The following ADARB2 variants were observed in gnomAD, a reference collection of about 807,000 sequenced individuals.
The protein encoded by ADARB2 is inactive double-stranded RNA-specific editase B2.
In ADARB2, 25 loss-of-function variants were observed where a neutral mutation model predicts 62.2. That is an observed-to-expected ratio of 0.40 (90% CI 0.29 to 0.56). The LOEUF (loss-of-function observed/expected upper bound fraction) is 0.56, where lower values mean the gene tolerates loss of function less well. Among genes scored for constraint, ADARB2 ranks in the 20% least tolerant of loss-of-function variants. ADARB2 has a pLI of 0.43. For synonymous variants in ADARB2, 572 were observed against 500.8 expected, an observed-to-expected ratio of 1.14 and a Z score of -1.90; for missense variants, 1,071 against 1,077.4, an observed-to-expected ratio of 0.99 and a Z score of 0.08.
intron 3 of ADARB2, among the ~76,000 whole-genome samples, chr10:1,297,837 C>T (rs10903416): frequency 0.42 from 64,178 of 152,116 alleles, 15,664 homozygotes; most frequent in East Asian, 0.69. Flanking sequence ...GGGATGCAGC[C>T]GCAGCCCGGG....
intron 1 of ADARB2, among the ~76,000 whole-genome samples, chr10:1,667,054 C>G (rs1834325466): frequency 6.6e-6 from 1 of 152,124 alleles, no homozygotes. Context: ...CGGCAGTTGA[C>G]TTAAGGAAAT....
intron 8 of ADARB2, among the ~76,000 whole-genome samples, chr10:1,195,013 A>C (rs1263119339): frequency 6.6e-6 from 1 of 152,170 alleles, no homozygotes; most frequent in Non-Finnish European, 1.5e-5. Flanking sequence ...AGGAGTGGAG[A>C]CCATTTCAAG....
chr10:1,404,190 C>A (rs562290387), intron 1 of ADARB2, among the ~76,000 whole-genome samples: 1 of 152,248 alleles, frequency 6.6e-6, no homozygotes, highest in South Asian at 2.1e-4. Flanking sequence ...TTAAAACAAG[C>A]GTTTTGGCTC....
chr10:1,380,892 G>A (rs954534392), intron 1 of ADARB2, among the ~76,000 whole-genome samples: 2 of 152,254 alleles, frequency 1.3e-5, no homozygotes, highest in African/African-American at 4.8e-5. Flanking sequence ...TCAGTCTGGA[G>A]GATCTCAAGA....
intron 1 of ADARB2, among the ~76,000 whole-genome samples, chr10:1,402,265 C>A (rs908128849): frequency 6.6e-6 from 1 of 152,192 alleles, no homozygotes; most frequent in Non-Finnish European, 1.5e-5. Context: ...CGCGTGCGCG[C>A]GCCGGTCTGG....
chr10:1,378,984 C>A, intron 2 of ADARB2, 90 bp downstream of exon 2: 4 of 1,096,486 alleles, frequency 3.6e-6, no homozygotes, highest in Non-Finnish European at 5.6e-6. Flanking sequence ...CCAGATGACC[C>A]CAGGTATCTC....
intron 3 of ADARB2, among the ~76,000 whole-genome samples, chr10:1,332,219 C>A (rs74903620): frequency 0.04 from 6,052 of 152,242 alleles, 137 homozygotes; most frequent in South Asian, 0.099. Context: ...GCCTGGACAA[C>A]ATAATGAGAC....
chr10:1,637,096 G>A (rs1008717897), intron 1 of ADARB2, among the ~76,000 whole-genome samples: 4 of 151,998 alleles, frequency 2.6e-5, no homozygotes, highest in South Asian at 2.1e-4. Flanking sequence ...AAAGGTGTCC[G>A]CAACACAACA....
At chr10:1,734,876 A>T (rs1259468824) in intron 1 of ADARB2, among the ~76,000 whole-genome samples, 1 of 152,182 alleles carries the variant, frequency 6.6e-6, no homozygotes, top group African/African-American at 2.4e-5. Context: ...CATAATTTAA[A>T]CTCACCATTG....
intron 3 of ADARB2, among the ~76,000 whole-genome samples, chr10:1,317,695 C>A (rs924578573): frequency 2.0e-5 from 3 of 150,052 alleles, no homozygotes; most frequent in African/African-American, 7.4e-5. Context: ...ACTGAGGGCT[C>A]CGTGCCCCTG....
chr10:1,668,080 C>T (rs1236569781), intron 1 of ADARB2, among the ~76,000 whole-genome samples: 1 of 152,182 alleles, frequency 6.6e-6, no homozygotes, highest in Non-Finnish European at 1.5e-5. Context: ...GTGGGCTGGA[C>T]GCTCACCCTC....
chr10:1,673,835 C>T (rs1834425672), intron 1 of ADARB2, among the ~76,000 whole-genome samples: 2 of 152,260 alleles, frequency 1.3e-5, no homozygotes, highest in African/African-American at 4.8e-5. Context: ...TGTGTGCCCA[C>T]TCAGCCACTT....
At chr10:1,480,877 G>C (rs1169930153) in intron 1 of ADARB2, among the ~76,000 whole-genome samples, 1 of 152,204 alleles carries the variant, frequency 6.6e-6, no homozygotes, top group Non-Finnish European at 1.5e-5. Context: ...ATATTATTAA[G>C]TGGATAACAC....
intron 1 of ADARB2, among the ~76,000 whole-genome samples, chr10:1,633,132 C>T (rs1833863574): frequency 6.6e-6 from 1 of 152,170 alleles, no homozygotes; most frequent in Non-Finnish European, 1.5e-5. Flanking sequence ...TGCCTCTGGA[C>T]TCAGGCTAGG....
chr10:1,324,429 T>A (rs942346749), intron 3 of ADARB2, among the ~76,000 whole-genome samples: 1 of 152,158 alleles, frequency 6.6e-6, no homozygotes, highest in Non-Finnish European at 1.5e-5. Context: ...CACAGAAAAT[T>A]TGTAGTGATG....
chr10:1,198,827 G>A (rs1265114103), intron 8 of ADARB2, among the ~76,000 whole-genome samples: 1 of 152,214 alleles, frequency 6.6e-6, no homozygotes, highest in Non-Finnish European at 1.5e-5. Flanking sequence ...ATCAGCACTG[G>A]GAGACTGGCT....
At chr10:1,310,339 A>C (rs1036162711) in intron 3 of ADARB2, among the ~76,000 whole-genome samples, 1 of 151,490 alleles carries the variant, frequency 6.6e-6, no homozygotes, top group Non-Finnish European at 1.5e-5. Flanking sequence ...ACTCCTGCTA[A>C]CCTACGAAGA....
intron 3 of ADARB2, among the ~76,000 whole-genome samples, chr10:1,331,491 C>G (rs1564259761): frequency 6.6e-6 from 1 of 152,164 alleles, no homozygotes. Context: ...AAGCCAGACA[C>G]AAATGCTCAC....
intron 1 of ADARB2, among the ~76,000 whole-genome samples, chr10:1,429,386 T>C (rs1830754684): frequency 6.6e-6 from 1 of 152,208 alleles, no homozygotes; most frequent in South Asian, 2.1e-4. Context: ...CACTCAAAAG[T>C]GTACCTAACA....
Sources: gnomAD v4.1 joint callset for allele counts (sites outside exome capture counted in the v4.1 genomes callset) on GRCh38, gnomAD v4.1.1 for gene constraint, MANE v1.5 for transcripts, NCBI Gene and HGNC (gene_info 2026-07-23, HGNC 2026-07-21) for gene names.